Variants in P3H2 observed in about 807,000 individuals in gnomAD.
P3H2 encodes prolyl 3-hydroxylase 2, also known as leprecan-like 1.
Under a neutral mutation model 87.0 loss-of-function variants are expected in P3H2, and 80 were observed. The observed-to-expected ratio is 0.92, with a 90% CI of 0.77 to 1.11. P3H2 has a LOEUF of 1.11. Among genes scored for constraint, P3H2 ranks in the 50% least tolerant of loss-of-function variants. The pLI, the probability that P3H2 is intolerant of heterozygous loss-of-function variation, is 0.00. For missense variants in P3H2, 1,001 were observed against 923.9 expected, an observed-to-expected ratio of 1.08 and a Z score of -1.08; for synonymous variants, 367 against 359.3, an observed-to-expected ratio of 1.02 and a Z score of -0.24.
intron 1 of P3H2, among the ~76,000 whole-genome samples, chr3:190,041,078 ACACTCT>A (rs1452325507): frequency 0.019 from 844 of 44,698 alleles, 98 homozygotes; most frequent in Admixed American, 0.077. Context: ...ACACACACAC[ACACTCT>A]CTCTCTCTAT....
At chr3:190,068,174 T>C (rs1726574803) in intron 1 of P3H2, among the ~76,000 whole-genome samples, 1 of 152,176 alleles carries the variant, frequency 6.6e-6, no homozygotes, top group African/African-American at 2.4e-5. Context: ...TATAAATCAC[T>C]TATAATTTTC....
At chr3:190,088,908 C>T (rs57236417) in intron 1 of P3H2, among the ~76,000 whole-genome samples, 3,834 of 152,210 alleles carry the variant, frequency 0.025, 182 homozygotes, top group African/African-American at 0.088. Flanking sequence ...CGACCCCTAC[C>T]TATAGCACAC....
At chr3:190,015,078 G>C (rs1724709411) in intron 1 of P3H2, among the ~76,000 whole-genome samples, 1 of 152,136 alleles carries the variant, frequency 6.6e-6, no homozygotes, top group African/African-American at 2.4e-5. Flanking sequence ...GTGCAGGGCT[G>C]ATCATAGCTC....
chr3:190,118,057 T>G (rs1712366292), intron 1 of P3H2, among the ~76,000 whole-genome samples: 1 of 152,146 alleles, frequency 6.6e-6, no homozygotes, highest in African/African-American at 2.4e-5. Flanking sequence ...TGTGACTTGT[T>G]CCTGTAATCA....
chr3:190,039,493 T>C (rs1725534252), intron 1 of P3H2, among the ~76,000 whole-genome samples: 1 of 152,142 alleles, frequency 6.6e-6, no homozygotes, highest in African/African-American at 2.4e-5. Context: ...ACAAAATTAC[T>C]AGCTAAGAGT....
At chr3:190,036,324 T>C (rs1725424440) in intron 1 of P3H2, among the ~76,000 whole-genome samples, 1 of 152,212 alleles carries the variant, frequency 6.6e-6, no homozygotes, top group Non-Finnish European at 1.5e-5. Context: ...AAATCATACA[T>C]ATAGACTTCA....
chr3:190,010,868 A>G (rs912463383), intron 1 of P3H2, among the ~76,000 whole-genome samples: 10 of 152,202 alleles, frequency 6.6e-5, no homozygotes, highest in Non-Finnish European at 1.2e-4. Context: ...CTTAAGCTCT[A>G]CTATATCCTC....
At chr3:190,120,984 C>G (rs1424570605), upstream of P3H2, 1 of 506,442 alleles carries the variant, frequency 2.0e-6, no homozygotes, top group Admixed American at 4.3e-5. Flanking sequence ...GAGCCGCTCT[C>G]CCAGGCTCCC....
chr3:190,040,207 T>A (rs1288005199), intron 1 of P3H2, among the ~76,000 whole-genome samples: 1 of 152,200 alleles, frequency 6.6e-6, no homozygotes, highest in Admixed American at 6.5e-5. Flanking sequence ...CAACTGCACA[T>A]TTGGCTGCAT....
At chr3:190,014,981 A>G (rs1724706087) in intron 1 of P3H2, among the ~76,000 whole-genome samples, 1 of 152,166 alleles carries the variant, frequency 6.6e-6, no homozygotes, top group Non-Finnish European at 1.5e-5. Context: ...CTTCATCTGT[A>G]AAATGAAGGG....
chr3:189,986,550 C>T (rs1723705652), intron 6 of P3H2, among the ~76,000 whole-genome samples: 1 of 152,142 alleles, frequency 6.6e-6, no homozygotes, highest in Non-Finnish European at 1.5e-5. Context: ...GATCACGCCA[C>T]TGCACTCCAG....
At position 190,120,436 on chromosome 3, in the gene P3H2, G is replaced by C. The variant is rs1425871886; in HGVS notation, c.296C>G (p.Pro99Arg). ...CAGCTCAGCGCCGGGGCCCTCGCCG[G>C]GGGGCGGGGGCGGGAGCGGGTGGCG... is the stretch of plus-strand genomic sequence containing the variant. ...AARHPLPPPP[P>R]GEGPGAELPL... The change falls in exon 1 of 15, where the codon CCC (proline) becomes CGC (arginine). Residue 99 changes from proline (P) to arginine (R), a missense_variant. By Grantham distance (103) the Pro-to-Arg change is moderately radical. Coordinates refer to ENST00000319332, the MANE Select transcript of P3H2 (RefSeq NM_018192.4). 12 of 1,440,106 alleles carry C rather than the reference G, an allele frequency of 8.3e-6. No homozygotes were observed. The highest frequency in any genetic ancestry group is 1.5e-5 in the African/African-American group (1 of 67,322). The allele number at this position is 1,440,106 out of a possible 1,614,324, so 89.2% of individuals were successfully genotyped here.
Position 190,101,608 on chromosome 3 carries a change from G to C in P3H2, c.480+18644C>G, listed in dbSNP as rs140791110. Among the ~76,000 whole-genome samples, 3 of 152,042 alleles carry C rather than the reference G, an allele frequency of 2.0e-5. No individual in the cohort carries two copies. The East Asian group carries it at 5.8e-4, about 30-fold the overall frequency. ...GAGCTGAGGAAGCTATAGAAAAACA[G>C]TCTGAAGCAAGCAGAAGTTGGTTCA... On this transcript the variant is annotated intron_variant, in intron 1 of 14. Coordinates refer to ENST00000319332, the MANE Select transcript of P3H2 (RefSeq NM_018192.4).
In P3H2 at chr3:190,120,573, G is replaced by T. The variant is rs548145331; in HGVS notation, c.159C>A (p.Ala53=). Residue 53 remains alanine (A), a synonymous_variant, in exon 1 of 15, where the codon GCC becomes GCA. Coordinates refer to ENST00000319332, the MANE Select transcript of P3H2 (RefSeq NM_018192.4). ...GCTCGTAGTCTCCGCTGTAGTAGGCGGCCGCGCCGCTGGCGTAGAGCAGGT... is the reference window on the plus strand; with the variant it reads ...GCTCGTAGTCTCCGCTGTAGTAGGCTGCCGCGCCGCTGGCGTAGAGCAGGT... The part of the protein sequence containing the change: ...PFDLLYASGA[A]AYYSGDYERA... 1.5e-5 allele frequency: 23 copies of T among 1,540,016 alleles called. No individual in the cohort carries two copies. In the East Asian group the frequency reaches 5.3e-4, roughly 36 times the overall value.
chr3:190,041,274 TAAAAAA>T (rs67754532), intron 1 of P3H2, among the ~76,000 whole-genome samples: 3 of 117,776 alleles, frequency 2.5e-5, no homozygotes, highest in African/African-American at 9.8e-5. Flanking sequence ...TAACCTGTCT[TAAAAAA>T]AAAAAAAAAA....
At chr3:190,105,167 A>G (rs551515666) in intron 1 of P3H2, among the ~76,000 whole-genome samples, 1 of 152,072 alleles carries the variant, frequency 6.6e-6, no homozygotes, top group South Asian at 2.1e-4. Context: ...CTTAAATACA[A>G]CCTCTACATT....
At chr3:190,019,785 A>ATAT (rs1560365170) in intron 1 of P3H2, among the ~76,000 whole-genome samples, 775 of 37,326 alleles carry the variant, frequency 0.021, 66 homozygotes, top group Middle Eastern at 0.11. Flanking sequence ...GAAATTAAAA[A>ATAT]ATATATATAT....
At chr3:189,989,110 G>A in intron 3 of P3H2, 72 bp from the exon 4 acceptor site, 1 of 1,571,360 alleles carries the variant, frequency 6.4e-7, no homozygotes, top group Non-Finnish European at 8.7e-7. Flanking sequence ...CACAGCCACA[G>A]TTACACAGGT....
chr3:190,055,514 AT>A (rs1726122062), intron 1 of P3H2, among the ~76,000 whole-genome samples: 2 of 101,924 alleles, frequency 2.0e-5, no homozygotes, highest in Non-Finnish European at 3.8e-5. Context: ...ATGAAACTCT[AT>A]ACAGAGTGCT....
Sources: allele counts gnomAD v4.1 joint callset (sites outside exome capture counted in the v4.1 genomes callset), GRCh38; gene constraint gnomAD v4.1.1; transcripts MANE v1.5; gene names NCBI Gene and HGNC (gene_info 2026-07-23, HGNC 2026-07-21).